NKAIN3: variants seen among roughly 807,000 people sequenced by gnomAD.
The protein encoded by NKAIN3 is sodium/potassium-transporting ATPase subunit beta-1-interacting protein 3.
NKAIN3 carries 25 observed loss-of-function variants against 30.2 expected under a neutral mutation model. The ratio of observed to expected loss-of-function variants is 0.83; its 90% CI spans 0.60 to 1.16. The LOEUF is 1.16. NKAIN3 is among the 50% of genes most tolerant of loss of function. The pLI is 0.00. For missense variants in NKAIN3, 225 were observed against 254.1 expected (o/e 0.89, Z 0.78); for synonymous variants, 91 against 89.6 (o/e 1.02, Z -0.09).
At chr8:62,334,775 G>T (rs1375767929) in intron 1 of NKAIN3, among the ~76,000 whole-genome samples, 1 of 152,024 alleles carries the variant, frequency 6.6e-6, no homozygotes, top group East Asian at 1.9e-4. Context: ...GTGGTATCCA[G>T]TTAATGGCTT....
intron 4 of NKAIN3, among the ~76,000 whole-genome samples, chr8:62,778,832 A>C (rs1469531156): frequency 6.6e-6 from 1 of 152,050 alleles, no homozygotes; most frequent in Non-Finnish European, 1.5e-5. Context: ...ACCTGAAGCC[A>C]GAATATCTTT....
chr8:62,874,953 G>C (rs971110292), intron 4 of NKAIN3, among the ~76,000 whole-genome samples: 1 of 152,146 alleles, frequency 6.6e-6, no homozygotes, highest in African/African-American at 2.4e-5. Flanking sequence ...CATAGTATTG[G>C]AAGTTCTGGC....
intron 4 of NKAIN3, among the ~76,000 whole-genome samples, chr8:62,833,731 A>T (rs1357804588): frequency 6.6e-6 from 1 of 151,980 alleles, no homozygotes; most frequent in East Asian, 1.9e-4. Flanking sequence ...TTCACAGCCA[A>T]GTCCTGCAAG....
intron 1 of NKAIN3, among the ~76,000 whole-genome samples, chr8:62,576,388 T>C (rs1203622329): frequency 2.0e-5 from 3 of 152,124 alleles, no homozygotes; most frequent in Non-Finnish European, 2.9e-5. Flanking sequence ...TCTACTTTTT[T>C]TAAAACTCAA....
intron 4 of NKAIN3, among the ~76,000 whole-genome samples, chr8:62,887,301 T>G (rs1465055903): frequency 8.5e-5 from 13 of 152,170 alleles, no homozygotes; most frequent in African/African-American, 3.1e-4. Context: ...TTTTAAGTTA[T>G]GAATCTCTGT....
At chr8:62,617,820 T>A (rs1039835498) in intron 3 of NKAIN3, among the ~76,000 whole-genome samples, 1 of 152,184 alleles carries the variant, frequency 6.6e-6, no homozygotes, top group African/African-American at 2.4e-5. Flanking sequence ...TGTTCATACC[T>A]TCTTGTCCTC....
At chr8:62,865,642 ACTAT>A (rs1361918359) in intron 4 of NKAIN3, among the ~76,000 whole-genome samples, 4 of 152,270 alleles carry the variant, frequency 2.6e-5, no homozygotes, top group South Asian at 2.1e-4. Flanking sequence ...AGGGTTTGTG[ACTAT>A]CTATTTATGA....
At chr8:62,308,523 G>A (rs1814327102) in intron 1 of NKAIN3, among the ~76,000 whole-genome samples, 1 of 150,720 alleles carries the variant, frequency 6.6e-6, no homozygotes, top group Admixed American at 6.6e-5. Context: ...CCAAAAGCAA[G>A]TGTGGATACA....
chr8:62,772,970 T>C (rs1817071611), intron 4 of NKAIN3, among the ~76,000 whole-genome samples: 1 of 152,138 alleles, frequency 6.6e-6, no homozygotes, highest in Non-Finnish European at 1.5e-5. Flanking sequence ...TTTTGCCCTT[T>C]TTTTATTGGA....
chr8:62,726,031 A>G (rs1234251744), intron 3 of NKAIN3, among the ~76,000 whole-genome samples: 2 of 151,912 alleles, frequency 1.3e-5, no homozygotes, highest in African/African-American at 4.8e-5. Context: ...AATGTTTTAT[A>G]ATTTTTATTG....
intron 3 of NKAIN3, among the ~76,000 whole-genome samples, chr8:62,692,345 G>T (rs1056723909): frequency 2.6e-5 from 4 of 152,212 alleles, no homozygotes; most frequent in Non-Finnish European, 5.9e-5. Context: ...CAAAGATAAT[G>T]TGTAAATATG....
At position 62,797,096 on chromosome 8, in the gene NKAIN3, T is replaced by C. The variant is rs184532167; in HGVS notation, c.471+49967T>C. On this transcript the variant is annotated intron_variant, in intron 4 of 6. Coordinates refer to ENST00000623646, the MANE Select transcript of NKAIN3 (RefSeq NM_001304533.3). Reference sequence around the variant, plus strand: ...TGTATGTGACTTGATCTTTATTCTCTGTAAAAAGCAGAATTTCTTTGTTTC... The same window carrying C: ...TGTATGTGACTTGATCTTTATTCTCCGTAAAAAGCAGAATTTCTTTGTTTC... 7.2e-5 allele frequency among the ~76,000 whole-genome samples: 11 copies of C among 152,374 alleles called. No individual in the cohort carries two copies. In the East Asian group the frequency reaches 2.1e-3, roughly 29 times the overall value.
intron 1 of NKAIN3, among the ~76,000 whole-genome samples, chr8:62,512,458 G>A (rs1241472835): frequency 6.6e-6 from 1 of 152,134 alleles, no homozygotes; most frequent in African/African-American, 2.4e-5. Flanking sequence ...TGTGACCATG[G>A]TTTCCCTGGT....
At chr8:62,346,775 A>G (rs1454424895) in intron 1 of NKAIN3, among the ~76,000 whole-genome samples, 1 of 152,100 alleles carries the variant, frequency 6.6e-6, no homozygotes, top group Non-Finnish European at 1.5e-5. Context: ...TGCAAACTAT[A>G]AGAGTTAGAT....
At chr8:62,841,595 C>A (rs1323131564) in intron 4 of NKAIN3, among the ~76,000 whole-genome samples, 1 of 152,108 alleles carries the variant, frequency 6.6e-6, no homozygotes, top group Non-Finnish European at 1.5e-5. Flanking sequence ...CTGTGCATGG[C>A]TTATTTCACT....
At chr8:62,315,090 C>T (rs559689048) in intron 1 of NKAIN3, among the ~76,000 whole-genome samples, 169 of 152,224 alleles carry the variant, frequency 1.1e-3, no homozygotes, top group African/African-American at 3.9e-3. Flanking sequence ...AGAGCCATCA[C>T]GCAGGACACA....
At chr8:62,603,921 G>T (rs577004699) in intron 3 of NKAIN3, among the ~76,000 whole-genome samples, 12 of 152,082 alleles carry the variant, frequency 7.9e-5, no homozygotes, top group Admixed American at 6.6e-4. Context: ...AAGAGAGAAA[G>T]GTTTTGTTTT....
In NKAIN3 at chr8:62,932,450, G is replaced by T. The variant is rs186311099; in HGVS notation, c.532+13937G>T. On this transcript the variant is annotated intron_variant, in intron 5 of 6. Coordinates refer to ENST00000623646, the MANE Select transcript of NKAIN3 (RefSeq NM_001304533.3). ...GTGTCTCAAGGCATCAAATGTGGCT[G>T]CTCAGAACATATAGTATGGTCTCAT... 3.1e-3 allele frequency among the ~76,000 whole-genome samples: 469 copies of T among 152,328 alleles called. 4 individuals carry two copies. Among genetic ancestry groups the T allele is most frequent in the Middle Eastern group, 0.02 (6 of 294 alleles).
intron 1 of NKAIN3, among the ~76,000 whole-genome samples, chr8:62,455,544 A>G (rs1017166785): frequency 6.6e-6 from 1 of 152,292 alleles, no homozygotes; most frequent in Admixed American, 6.5e-5. Flanking sequence ...TGGGGAGGGC[A>G]TGGGCTGAAA....
Sources: allele counts gnomAD v4.1 joint callset (sites outside exome capture counted in the v4.1 genomes callset), GRCh38; gene constraint gnomAD v4.1.1; transcripts MANE v1.5; gene names NCBI Gene and HGNC (gene_info 2026-07-23, HGNC 2026-07-21).